Variants in AQR observed in about 807,000 individuals in gnomAD.
AQR encodes the protein aquarius intron-binding spliceosomal factor.
AQR carries 61 observed loss-of-function variants against 180.5 expected under a neutral mutation model. That is an observed-to-expected ratio of 0.34 (90% CI 0.28 to 0.42). AQR has a LOEUF of 0.42. Ranked by LOEUF, AQR falls within the 10% of genes least tolerant of loss-of-function variation. The pLI is 1.00. For synonymous variants in AQR, 551 were observed against 588.8 expected, an observed-to-expected ratio of 0.94 and a Z score of 0.93; for missense variants, 1,281 against 1,798.3, an observed-to-expected ratio of 0.71 and a Z score of 5.20.
chr15:34,944,167 ATTATCC>A, intron 6 of AQR, 115 bp downstream of exon 6: 1 of 921,266 alleles, frequency 1.1e-6, no homozygotes, highest in Non-Finnish European at 1.6e-6. Context: ...AGCTTTTAGC[ATTATCC>A]TTATTGCCTG....
At chr15:34,859,511 T>A (rs1326933787) in intron 34 of AQR, among the ~76,000 whole-genome samples, 2 of 152,088 alleles carry the variant, frequency 1.3e-5, no homozygotes, top group African/African-American at 4.8e-5. Flanking sequence ...GTTAAACACA[T>A]CCTTAACATA....
Position 34,870,740 on chromosome 15 carries a change from T to C in AQR, c.3768+12A>G. On this transcript the variant is annotated intron_variant, in intron 31 of 34. Coordinates refer to ENST00000156471, the MANE Select transcript of AQR (RefSeq NM_014691.3). Reference sequence around the variant, plus strand: ...TGATGAATAAGAGAACATATTATAATTATAAAAGTACCTTGTTTGGTCTTC... The same window carrying C: ...TGATGAATAAGAGAACATATTATAACTATAAAAGTACCTTGTTTGGTCTTC... The C allele has an allele frequency of 1.9e-6, 3 of 1,604,486 alleles. No homozygotes were observed. Among genetic ancestry groups the C allele is most frequent in the Middle Eastern group, 4.1e-4 (2 of 4,916 alleles).
At chr15:34,874,305 T>C in intron 29 of AQR, 1 of 318,976 alleles carries the variant, frequency 3.1e-6, no homozygotes, top group East Asian at 6.1e-5. Context: ...GGGGTAACTA[T>C]GAGATGGGGC....
intron 13 of AQR, among the ~76,000 whole-genome samples, chr15:34,926,113 G>A (rs1893760106): frequency 6.6e-6 from 1 of 151,916 alleles, no homozygotes; most frequent in African/African-American, 2.4e-5. Context: ...CTTGCAGTGA[G>A]CCACTGCAGT....
chr15:34,876,024 T>C lies in AQR; in HGVS notation c.3166-18A>G, dbSNP rs893909910. 4 of 1,597,382 alleles carry C rather than the reference T, an allele frequency of 2.5e-6. No individual in the cohort carries two copies. In the South Asian group the frequency reaches 3.3e-5, roughly 13 times the overall value. ...TTGTCATACTAAGAAAGAGGAAATC[T>C]TGTCATAAAGACAGCTTAAAAGTCA... On this transcript the variant is annotated intron_variant, in intron 27 of 34. Transcript: ENST00000156471.
chr15:34,931,754 G>A (rs1893864386), intron 11 of AQR, among the ~76,000 whole-genome samples: 1 of 152,150 alleles, frequency 6.6e-6, no homozygotes. Flanking sequence ...GTTGCAGTGA[G>A]CCGAGATCAT....
At chr15:34,938,995 GGA>G (rs2140495888) in intron 8 of AQR, among the ~76,000 whole-genome samples, 182 bp from the exon 9 acceptor site, 1 of 152,284 alleles carries the variant, frequency 6.6e-6, no homozygotes, top group African/African-American at 2.4e-5. Flanking sequence ...ATGAAGAAAA[GGA>G]GAGTCACATT....
At chr15:34,930,165 A>C (rs1191944399) in intron 12 of AQR, 93 bp downstream of exon 12, 1 of 637,354 alleles carries the variant, frequency 1.6e-6, no homozygotes, top group Non-Finnish European at 2.6e-6. Context: ...CTATTAAATT[A>C]ACATGGTTTT....
chr15:34,952,182 A>G (rs956135445), intron 4 of AQR, among the ~76,000 whole-genome samples: 1 of 152,188 alleles, frequency 6.6e-6, no homozygotes, highest in South Asian at 2.1e-4. Context: ...GTGGAAAACC[A>G]TGAGCTTTGG....
intron 23 of AQR, among the ~76,000 whole-genome samples, chr15:34,892,996 A>AT (rs1235005771): frequency 1.3e-5 from 2 of 152,184 alleles, no homozygotes; most frequent in Non-Finnish European, 2.9e-5. Flanking sequence ...CTTTCCTGGT[A>AT]TTTTGTGGTA....
At position 34,944,471 on chromosome 15, in the gene AQR, C is replaced by T. The variant is rs759383444; in HGVS notation, c.331-43G>A. On this transcript the variant is annotated intron_variant, in intron 5 of 34. Transcript: ENST00000156471. ...AAAATTCATTTTGTATTGGCTTGCT[C>T]ACTTAAGCTTTAAAGAAGCCCTAGT... 18 of 1,540,512 alleles carry T rather than the reference C, an allele frequency of 1.2e-5. No individual in the cohort carries two copies. The South Asian group carries it at 1.9e-4, about 16-fold the overall frequency.
intron 27 of AQR, among the ~76,000 whole-genome samples, chr15:34,881,799 G>T (rs1223665241): frequency 6.6e-6 from 1 of 150,692 alleles, no homozygotes; most frequent in Non-Finnish European, 1.5e-5. Flanking sequence ...AAACCACTTT[G>T]TTTTTTTTTG....
intron 33 of AQR, among the ~76,000 whole-genome samples, chr15:34,861,635 T>A (rs1042542912): frequency 6.6e-6 from 1 of 152,156 alleles, no homozygotes; most frequent in African/African-American, 2.4e-5. Context: ...CCAGACCTCT[T>A]GTCAGGAATG....
intron 17 of AQR, 109 bp from the exon 18 acceptor site, chr15:34,906,821 C>T: frequency 2.0e-6 from 2 of 982,348 alleles, no homozygotes; most frequent in Non-Finnish European, 2.9e-6. Context: ...AGAGAGATAC[C>T]GTTGAGTGAC....
At chr15:34,863,140 C>T (rs753132025) in intron 32 of AQR, 99 bp from the exon 33 acceptor site, 13 of 1,122,750 alleles carry the variant, frequency 1.2e-5, no homozygotes, top group Admixed American at 5.7e-5. Context: ...TCCTGTTAAG[C>T]CCTGGCAATA....
At chr15:34,927,774 T>A (rs181888598) in intron 12 of AQR, among the ~76,000 whole-genome samples, 8 of 152,354 alleles carry the variant, frequency 5.3e-5, no homozygotes, top group African/African-American at 1.4e-4. Context: ...TTTTCATGTG[T>A]TCCATGGTGG....
intron 1 of AQR, among the ~76,000 whole-genome samples, chr15:34,964,666 G>A (rs2050300116): frequency 6.6e-6 from 1 of 151,700 alleles, no homozygotes; most frequent in African/African-American, 2.4e-5. Flanking sequence ...GTTAATAGTT[G>A]AGCAAGTATT....
chr15:34,873,756 A>T, intron 30 of AQR, 72 bp downstream of exon 30: 1 of 1,300,830 alleles, frequency 7.7e-7, no homozygotes, highest in Non-Finnish European at 1.0e-6. Flanking sequence ...CAAATGGTTA[A>T]GTATCACTGA....
At chr15:34,871,451 G>A (rs1254064474) in intron 30 of AQR, among the ~76,000 whole-genome samples, 3 of 148,640 alleles carry the variant, frequency 2.0e-5, no homozygotes, top group African/African-American at 5.0e-5. Context: ...AGGTTGTGGC[G>A]AGCTTCAATC....
Sources: gnomAD v4.1 joint callset for allele counts (sites outside exome capture counted in the v4.1 genomes callset) on GRCh38, gnomAD v4.1.1 for gene constraint, MANE v1.5 for transcripts, NCBI Gene and HGNC (gene_info 2026-07-23, HGNC 2026-07-21) for gene names.